The following DMGDH variants were observed in gnomAD, a reference collection of about 807,000 sequenced individuals.
The protein encoded by DMGDH is dimethylglycine dehydrogenase, mitochondrial.
In DMGDH, 76 loss-of-function variants were observed where a neutral mutation model predicts 95.2. The observed-to-expected ratio is 0.80, with a 90% confidence interval of 0.66 to 0.97. The LOEUF is 0.97. Ranked by LOEUF, DMGDH falls within the 50% of genes least tolerant of loss-of-function variation. The probability of loss-of-function intolerance (pLI) is 0.00; values close to 1 mark genes in which losing one functional copy is unlikely to be tolerated. For synonymous variants in DMGDH, 345 were observed against 377.6 expected, an observed-to-expected ratio of 0.91 and a Z score of 1.00; for missense variants, 987 against 1,055.0, an observed-to-expected ratio of 0.94 and a Z score of 0.89.
intron 15 of DMGDH, chr5:79,000,030 G>C: frequency 3.3e-6 from 1 of 302,450 alleles, no homozygotes; most frequent in East Asian, 7.2e-5. Flanking sequence ...TAACAAATAT[G>C]TTGGAAGAAT....
chr5:79,068,887 T>A (rs1755458826), intron 1 of DMGDH, among the ~76,000 whole-genome samples: 1 of 152,226 alleles, frequency 6.6e-6, no homozygotes, highest in Non-Finnish European at 1.5e-5. Context: ...GTGTGCCGCA[T>A]GCAAACTCTT....
chr5:79,066,442 C>T (rs998984163), intron 1 of DMGDH, among the ~76,000 whole-genome samples: 4 of 151,630 alleles, frequency 2.6e-5, no homozygotes, highest in African/African-American at 4.9e-5. Context: ...CCCACCACCA[C>T]GCCCGGCTAA....
chr5:79,036,761 G>T (rs1175235099), intron 7 of DMGDH, among the ~76,000 whole-genome samples: 1 of 152,098 alleles, frequency 6.6e-6, no homozygotes, highest in African/African-American at 2.4e-5. Flanking sequence ...GAATCTATAG[G>T]AGTAGTGTCT....
At chr5:79,013,759 T>G (rs1362015017) in intron 14 of DMGDH, among the ~76,000 whole-genome samples, 1 of 152,060 alleles carries the variant, frequency 6.6e-6, no homozygotes, top group East Asian at 1.9e-4. Flanking sequence ...CTGGCATGTC[T>G]TACATGGCAG....
Position 79,005,400 on chromosome 5 carries a change from T to A in DMGDH, c.2258A>T (p.Asp753Val). The A allele has an allele frequency of 6.2e-7, 1 of 1,614,142 alleles. No individual in the cohort carries two copies. Among genetic ancestry groups the A allele is most frequent in the Non-Finnish European group, 8.5e-7 (1 of 1,180,018 alleles). The change falls in exon 15 of 16, where the codon GAC becomes GTC. Residue 753 changes from aspartate (D) to valine (V), a missense_variant. Coordinates refer to ENST00000255189, the MANE Select transcript of DMGDH (RefSeq NM_013391.3). ...TTTCAGTGCTTGCTTTCCTATGAAGTCTGCTGGCTGCAGGAATCCAAGATA... is the reference window on the plus strand; with the variant it reads ...TTTCAGTGCTTGCTTTCCTATGAAGACTGCTGGCTGCAGGAATCCAAGATA... ...EYFVKLNKPA[D>V]FIGKQALKQI...
At position 79,005,388 on chromosome 5, in the gene DMGDH, T is replaced by C; in HGVS notation, c.2270A>G (p.Lys757Arg). 1 of 1,614,154 alleles carries C rather than the reference T, an allele frequency of 6.2e-7. No individual in the cohort carries two copies. The highest frequency in any genetic ancestry group is 8.5e-7 in the Non-Finnish European group (1 of 1,180,018). ...KLNKPADFIG[K>R]QALKQIKAKG... ...GGCTTTAATCTGTTTCAGTGCTTGC[T>C]TTCCTATGAAGTCTGCTGGCTGCAG... The change falls in exon 15 of 16, where the codon AAG becomes AGG. Residue 757 changes from lysine (K) to arginine (R), a missense_variant. Lys to Arg is a conservative substitution (Grantham distance 26, BLOSUM62 2). Coordinates refer to ENST00000255189, the MANE Select transcript of DMGDH (RefSeq NM_013391.3).
chr5:79,005,224 T>C (rs983384874), intron 15 of DMGDH, 49 bp downstream of exon 15: 5 of 1,587,032 alleles, frequency 3.2e-6, no homozygotes, highest in Non-Finnish European at 4.3e-6. Flanking sequence ...GGGGAGTTTC[T>C]GTTGCAGAAG....
intron 15 of DMGDH, chr5:79,000,141 G>A: frequency 5.6e-6 from 3 of 538,442 alleles, no homozygotes; most frequent in South Asian, 4.6e-5. Flanking sequence ...AGCCTTAGAT[G>A]ATTTTCAGGT....
intron 2 of DMGDH, among the ~76,000 whole-genome samples, chr5:79,056,374 C>G (rs1300531929): frequency 1.3e-5 from 2 of 151,056 alleles, no homozygotes; most frequent in Non-Finnish European, 2.9e-5. Flanking sequence ...GAAACCCCGT[C>G]TCTATTAAAA....
intron 14 of DMGDH, among the ~76,000 whole-genome samples, chr5:79,013,357 C>T (rs1169567643): frequency 3.3e-5 from 5 of 152,120 alleles, no homozygotes; most frequent in Admixed American, 3.3e-4. Flanking sequence ...CTGAGACCTC[C>T]TCAGCTTGGC....
At chr5:79,049,034 C>T in intron 5 of DMGDH, among the ~76,000 whole-genome samples, 1 of 152,122 alleles carries the variant, frequency 6.6e-6, no homozygotes, top group Non-Finnish European at 1.5e-5. Flanking sequence ...GGAGGCATTA[C>T]CACTCCATGC....
In DMGDH at chr5:79,029,932, C is replaced by G; in HGVS notation, c.1786G>C (p.Gly596Arg). The change falls in exon 11 of 16, where the codon GGC becomes CGC. Residue 596 changes from glycine (G) to arginine (R), a missense_variant. Coordinates refer to ENST00000255189, the MANE Select transcript of DMGDH (RefSeq NM_013391.3). Reference sequence around the variant, plus strand: ...AGATCATGAAGTTCTGATCCAGAGCCAGTAATTAAAAGAAACTCCCCAGGA... The same window carrying G: ...AGATCATGAAGTTCTGATCCAGAGCGAGTAATTAAAAGAAACTCCCCAGGA... ...QSPGEFLLIT[G>R]SGSELHDLRW... The G allele has an allele frequency of 6.2e-7, 1 of 1,613,920 alleles. No homozygotes were observed. Among genetic ancestry groups the G allele is most frequent in the Non-Finnish European group, 8.5e-7 (1 of 1,179,954 alleles).
intron 7 of DMGDH, among the ~76,000 whole-genome samples, chr5:79,040,688 GA>G (rs1754484383): frequency 6.6e-6 from 1 of 152,166 alleles, no homozygotes; most frequent in Non-Finnish European, 1.5e-5. Context: ...CAGAATGGGA[GA>G]AAAGTTCTGC....
intron 11 of DMGDH, among the ~76,000 whole-genome samples, chr5:79,029,416 C>A (rs1157309243): frequency 1.3e-5 from 2 of 152,086 alleles, no homozygotes; most frequent in African/African-American, 2.4e-5. Flanking sequence ...CTGGACTTGG[C>A]AGGTCAGCAA....
rs771390699 is a variant in DMGDH at position 79,054,201 on chromosome 5, A to G, written c.523T>C (p.Leu175=). The G allele has an allele frequency of 1.2e-5, 19 of 1,613,972 alleles. No homozygotes were observed. The highest frequency in any genetic ancestry group is 5.1e-6 in the Non-Finnish European group (6 of 1,180,002). ...EPEKIQEMFP[L]LNMNKVLAGL... is the part of the protein sequence containing the mutation. Reference sequence around the variant, plus strand: ...ATAAATACCTTATTCATGTTGAGTAAAGGGAACATCTCTTGAATTTTTTCA... The same window carrying G: ...ATAAATACCTTATTCATGTTGAGTAGAGGGAACATCTCTTGAATTTTTTCA... Residue 175 remains leucine (L), a synonymous_variant, in exon 4 of 16, where the codon TTA becomes CTA. Coordinates refer to ENST00000255189, the MANE Select transcript of DMGDH (RefSeq NM_013391.3).
rs1266218905 is a variant in DMGDH, at chr5:79,069,575, TCCGCAGCAGGAGGCC to T, written c.31_45del (p.Gly11_Arg15del). ...CCGGGGGAGCCCTGCAGCGGGCAGCTCCGCAGCAGGAGGCCCCGCAGCAGCTGCGCGCCGGGACGG... is the reference window on the plus strand; with the variant it reads ...CCGGGGGAGCCCTGCAGCGGGCAGCTCCGCAGCAGCTGCGCGCCGGGACGG... On this transcript the variant is annotated inframe_deletion, in exon 1 of 16. Coordinates refer to ENST00000255189, the MANE Select transcript of DMGDH (RefSeq NM_013391.3). 2 of 1,351,430 alleles carry T rather than the reference TCCGCAGCAGGAGGCC, an allele frequency of 1.5e-6. No individual in the cohort carries two copies. Among genetic ancestry groups the T allele is most frequent in the Non-Finnish European group, 1.9e-6 (2 of 1,052,306 alleles). The allele number at this position is 1,351,430 out of a possible 1,614,324, so 83.7% of individuals were successfully genotyped here.
intron 7 of DMGDH, among the ~76,000 whole-genome samples, chr5:79,039,763 A>G (rs953227550): frequency 1.3e-5 from 2 of 152,150 alleles, no homozygotes; most frequent in African/African-American, 4.8e-5. Flanking sequence ...CCCTACTCCA[A>G]CCTCCAGGGA....
intron 2 of DMGDH, among the ~76,000 whole-genome samples, chr5:79,057,719 C>G (rs1038278223): frequency 6.6e-6 from 1 of 152,170 alleles, no homozygotes; most frequent in Non-Finnish European, 1.5e-5. Flanking sequence ...AATAGAGAAT[C>G]TCTGGCCTTC....
intron 15 of DMGDH, among the ~76,000 whole-genome samples, chr5:78,999,687 A>C (rs1467292836): frequency 2.0e-5 from 3 of 152,220 alleles, no homozygotes. Flanking sequence ...GTGAAAAAAG[A>C]AAACTTTTTG....
Sources: gnomAD v4.1 joint callset for allele counts (sites outside exome capture counted in the v4.1 genomes callset) on GRCh38, gnomAD v4.1.1 for gene constraint, MANE v1.5 for transcripts, NCBI Gene and HGNC (gene_info 2026-07-23, HGNC 2026-07-21) for gene names.